The following GRIA1 variants were observed in gnomAD, a reference collection of about 807,000 sequenced individuals.
GRIA1 encodes the protein glutamate receptor 1.
Under a neutral mutation model 99.2 loss-of-function variants are expected in GRIA1, and 31 were observed. The observed-to-expected ratio is 0.31, with a 90% CI of 0.23 to 0.42. The LOEUF (loss-of-function observed/expected upper bound fraction) is 0.42. Among genes scored for constraint, GRIA1 ranks in the 10% least tolerant of loss-of-function variants. The pLI is 1.00. For synonymous variants in GRIA1, 438 were observed against 432.4 expected (o/e 1.01, Z -0.16); for missense variants, 782 against 1,157.5 (o/e 0.68, Z 4.71).
At chr5:153,650,896 TAAAAAAAAA>T (rs71575151) in intron 4 of GRIA1, among the ~76,000 whole-genome samples, 1 of 70,130 alleles carries the variant, frequency 1.4e-5, no homozygotes, top group Non-Finnish European at 2.9e-5. Flanking sequence ...CTGTCTCCAC[TAAAAAAAAA>T]AAAAAAAAAA....
intron 12 of GRIA1, among the ~76,000 whole-genome samples, chr5:153,766,423 C>G (rs1013750014): frequency 4.6e-5 from 7 of 152,202 alleles, no homozygotes; most frequent in African/African-American, 1.7e-4. Context: ...TAACAATGCT[C>G]TCATCCTTAT....
chr5:153,668,223 C>G (rs954315628), intron 5 of GRIA1, among the ~76,000 whole-genome samples: 1 of 152,134 alleles, frequency 6.6e-6, no homozygotes, highest in Non-Finnish European at 1.5e-5. Context: ...TAACCTTAAG[C>G]CACTATTCCC....
At chr5:153,665,721 A>G (rs996597294) in intron 5 of GRIA1, among the ~76,000 whole-genome samples, 2 of 152,206 alleles carry the variant, frequency 1.3e-5, no homozygotes, top group Admixed American at 6.5e-5. Flanking sequence ...GAAGTTTCCA[A>G]ACTTTTTAGT....
intron 2 of GRIA1, among the ~76,000 whole-genome samples, chr5:153,509,410 A>G (rs1032764175): frequency 3.3e-5 from 5 of 152,108 alleles, no homozygotes; most frequent in East Asian, 1.9e-4. Flanking sequence ...CCCTCCCTCA[A>G]TTGCAGCTGA....
At chr5:153,777,914 A>G (rs1764366711) in intron 13 of GRIA1, among the ~76,000 whole-genome samples, 1 of 152,208 alleles carries the variant, frequency 6.6e-6, no homozygotes, top group African/African-American at 2.4e-5. Context: ...CCTTTCAATT[A>G]GTCCTTGCCT....
chr5:153,753,879 C>A (rs960082426), intron 11 of GRIA1, among the ~76,000 whole-genome samples: 2 of 152,142 alleles, frequency 1.3e-5, no homozygotes, highest in African/African-American at 4.8e-5. Flanking sequence ...GGATAATCAT[C>A]ATCATAAAAA....
At chr5:153,778,166 G>A (rs1253900761) in intron 13 of GRIA1, among the ~76,000 whole-genome samples, 1 of 145,166 alleles carries the variant, frequency 6.9e-6, no homozygotes, top group Non-Finnish European at 1.5e-5. Context: ...AAGGAGGGAG[G>A]CAGAGAGACA....
intron 2 of GRIA1, among the ~76,000 whole-genome samples, chr5:153,606,122 T>A (rs891407941): frequency 1.3e-5 from 2 of 152,176 alleles, no homozygotes; most frequent in Admixed American, 6.5e-5. Context: ...ATTTAGGGTA[T>A]AGTATAGGGG....
At chr5:153,531,353 C>G (rs4958660) in intron 2 of GRIA1, among the ~76,000 whole-genome samples, 97,523 of 151,478 alleles carry the variant, frequency 0.64, 31,727 homozygotes, top group East Asian at 0.83. Context: ...CAGCCCTCTA[C>G]GGGCCCAGCC....
intron 5 of GRIA1, among the ~76,000 whole-genome samples, chr5:153,665,132 C>T (rs1755652664): frequency 6.6e-6 from 1 of 152,200 alleles, no homozygotes; most frequent in Admixed American, 6.5e-5. Context: ...ATTCCCAGGC[C>T]AGGTAGTACA....
intron 2 of GRIA1, among the ~76,000 whole-genome samples, chr5:153,619,470 G>A (rs2149420303): frequency 6.6e-6 from 1 of 152,244 alleles, no homozygotes; most frequent in African/African-American, 2.4e-5. Flanking sequence ...GAGCAGATGG[G>A]CTCTGTGTCT....
At chr5:153,694,368 C>G (rs1349259376) in intron 8 of GRIA1, among the ~76,000 whole-genome samples, 2 of 152,056 alleles carry the variant, frequency 1.3e-5, no homozygotes, top group Admixed American at 6.6e-5. Context: ...GTTATATTGT[C>G]AAGTGAATTT....
At chr5:153,693,051 A>T (rs1469911274) in intron 8 of GRIA1, among the ~76,000 whole-genome samples, 1 of 152,226 alleles carries the variant, frequency 6.6e-6, no homozygotes, top group African/African-American at 2.4e-5. Flanking sequence ...TCAGCTGTTT[A>T]ATGCAAAAGA....
At chr5:153,731,966 G>C (rs1332349569) in intron 11 of GRIA1, among the ~76,000 whole-genome samples, 6 of 152,034 alleles carry the variant, frequency 3.9e-5, no homozygotes. Flanking sequence ...GACTTTTTGA[G>C]ATTCCACATA....
chr5:153,730,176 G>C (rs1346724947), intron 11 of GRIA1, among the ~76,000 whole-genome samples: 2 of 151,992 alleles, frequency 1.3e-5, no homozygotes, highest in Non-Finnish European at 2.9e-5. Context: ...TAGTTCCATA[G>C]TTCTGGGGTG....
intron 2 of GRIA1, among the ~76,000 whole-genome samples, chr5:153,502,848 A>G (rs1755139718): frequency 6.6e-6 from 1 of 152,226 alleles, no homozygotes; most frequent in African/African-American, 2.4e-5. Context: ...CAAAAGTAAT[A>G]TATACATTAC....
At chr5:153,498,283 C>T (rs1364427016) in intron 2 of GRIA1, among the ~76,000 whole-genome samples, 3 of 152,186 alleles carry the variant, frequency 2.0e-5, no homozygotes, top group Non-Finnish European at 4.4e-5. Context: ...CTTTGGCAAG[C>T]ATTGAGTTTG....
intron 8 of GRIA1, among the ~76,000 whole-genome samples, chr5:153,695,587 C>G (rs1162349006): frequency 6.6e-6 from 1 of 152,208 alleles, no homozygotes; most frequent in Non-Finnish European, 1.5e-5. Context: ...TCTGTGGTCT[C>G]TGCGCCTCTG....
chr5:153,750,107 G>A lies in GRIA1; in HGVS notation c.1824-14327G>A, dbSNP rs77111975. ...GAGTGATTTGCAGCTGGTGACAAATGGGATGATTTGCCACTCAGACGCAGC... is the reference window on the plus strand; with the variant it reads ...GAGTGATTTGCAGCTGGTGACAAATAGGATGATTTGCCACTCAGACGCAGC... On this transcript the variant is annotated intron_variant, in intron 11 of 15. Transcript: ENST00000285900. 9.7e-3 allele frequency among the ~76,000 whole-genome samples: 1,477 copies of A among 152,220 alleles called. 15 individuals carry two copies. Among genetic ancestry groups the A allele is most frequent in the African/African-American group, 0.034 (1,392 of 41,546 alleles).
Sources: allele counts gnomAD v4.1 joint callset (sites outside exome capture counted in the v4.1 genomes callset), GRCh38; gene constraint gnomAD v4.1.1; transcripts MANE v1.5; gene names NCBI Gene and HGNC (gene_info 2026-07-23, HGNC 2026-07-21).